Variants in CREBBP observed in about 807,000 individuals in gnomAD.
CREBBP encodes the protein CREB-binding protein.
CREBBP carries 19 observed loss-of-function variants against 265.0 expected under a neutral mutation model. The observed-to-expected ratio is 0.07, with a 90% CI of 0.05 to 0.11. CREBBP has a LOEUF of 0.11. Ranked by LOEUF, CREBBP falls within the 10% of genes least tolerant of loss-of-function variation. CREBBP has a pLI of 1.00. For missense variants in CREBBP, 2,525 were observed against 3,219.0 expected (o/e 0.78, Z 5.22); for synonymous variants, 1,457 against 1,223.7 (o/e 1.19, Z -3.98).
intron 20 of CREBBP, among the ~76,000 whole-genome samples, chr16:3,749,984 T>C (rs1596835718): frequency 6.6e-6 from 1 of 152,176 alleles, no homozygotes; most frequent in East Asian, 1.9e-4. Context: ...CACTGCAGCC[T>C]TAACCTCCTA....
chr16:3,871,997 T>C (rs1419433160), intron 1 of CREBBP, among the ~76,000 whole-genome samples: 1 of 152,196 alleles, frequency 6.6e-6, no homozygotes, highest in Non-Finnish European at 1.5e-5. Context: ...GATTTTACTA[T>C]TCTTAGCAAT....
At chr16:3,835,870 G>A (rs1015849343) in intron 2 of CREBBP, among the ~76,000 whole-genome samples, 4 of 151,676 alleles carry the variant, frequency 2.6e-5, no homozygotes, top group African/African-American at 4.8e-5. Context: ...GTGAGCCACC[G>A]CGCCCGGCAG....
At chr16:3,808,698 G>A (rs2053879674) in intron 3 of CREBBP, among the ~76,000 whole-genome samples, 1 of 152,226 alleles carries the variant, frequency 6.6e-6, no homozygotes, top group African/African-American at 2.4e-5. Flanking sequence ...TGGGGCTGGA[G>A]AATATTTTAA....
At position 3,774,710 on chromosome 16, in the gene CREBBP, A is replaced by G. The variant is rs759988363; in HGVS notation, c.2159-17T>C. On this transcript the variant is annotated splice_polypyrimidine_tract_variant and intron_variant, in intron 11 of 30. Transcript: ENST00000262367. ...AATTCATCCCTGTAAATGTACCCAC[A>G]ACGGTTCATTAGGAAAAGCACCCAC... 1.3e-5 allele frequency: 21 copies of G among 1,614,188 alleles called. No homozygotes were observed. The highest frequency in any genetic ancestry group is 1.7e-5 in the Non-Finnish European group (20 of 1,180,016).
At chr16:3,759,474 C>T (rs756633591) in intron 16 of CREBBP, among the ~76,000 whole-genome samples, 3 of 151,654 alleles carry the variant, frequency 2.0e-5, no homozygotes, top group African/African-American at 4.9e-5. Flanking sequence ...ATAAGCCCCG[C>T]TACTCGAGAG....
chr16:3,822,828 G>A (rs1342833997), intron 2 of CREBBP, among the ~76,000 whole-genome samples: 1 of 152,220 alleles, frequency 6.6e-6, no homozygotes, highest in African/African-American at 2.4e-5. Flanking sequence ...CCTGACTGGT[G>A]ATGTCAGCGA....
intron 16 of CREBBP, among the ~76,000 whole-genome samples, chr16:3,764,846 G>A (rs1428059019): frequency 6.6e-6 from 1 of 152,004 alleles, no homozygotes; most frequent in East Asian, 1.9e-4. Context: ...GCCTTCCAAA[G>A]TGCTGAGATT....
At chr16:3,765,061 C>A (rs1030014351) in intron 16 of CREBBP, among the ~76,000 whole-genome samples, 1 of 151,872 alleles carries the variant, frequency 6.6e-6, no homozygotes, top group Non-Finnish European at 1.5e-5. Flanking sequence ...ACAAGCTCTG[C>A]CTCCTGGGTT....
chr16:3,730,392 T>C (rs1345235535), intron 30 of CREBBP: 1 of 175,998 alleles, frequency 5.7e-6, no homozygotes, highest in Non-Finnish European at 1.2e-5. Context: ...GTGAAGTGCC[T>C]CTGGGAAGGC....
intron 2 of CREBBP, among the ~76,000 whole-genome samples, chr16:3,831,699 A>G (rs950869097): frequency 3.9e-5 from 6 of 152,324 alleles, no homozygotes; most frequent in Admixed American, 1.3e-4. Context: ...TATCCAAATT[A>G]AGAAAAGAGT....
At chr16:3,844,631 G>A (rs778733488) in intron 2 of CREBBP, among the ~76,000 whole-genome samples, 51 of 152,138 alleles carry the variant, frequency 3.4e-4, no homozygotes, top group Middle Eastern at 3.4e-3. Context: ...CATAAACACT[G>A]GCAAAAAATA....
At chr16:3,767,566 T>C (rs2052885100) in intron 16 of CREBBP, 154 bp downstream of exon 16, 2 of 989,470 alleles carry the variant, frequency 2.0e-6, no homozygotes, top group Non-Finnish European at 3.0e-6. Flanking sequence ...TCAGCCTGAG[T>C]GTTTCTGCAG....
In CREBBP at chr16:3,848,097, G is replaced by A. The variant is rs151167356; in HGVS notation, c.798+2200C>T. ...AGGCAGGACAATCACTTGAACCCAG[G>A]AGGCGGAGGTTGCAGTGAGCCCAGA... is the stretch of plus-strand genomic sequence containing the variant. On this transcript the variant is annotated intron_variant, in intron 2 of 30. Coordinates refer to ENST00000262367, the MANE Select transcript of CREBBP (RefSeq NM_004380.3). Among the ~76,000 whole-genome samples the A allele has an allele frequency of 1.2e-3, 187 of 151,956 alleles. 2 individuals carry two copies. In the East Asian group the frequency reaches 0.022, roughly 18 times the overall value.
chr16:3,769,044 C>A (rs185924822), intron 15 of CREBBP, 130 bp downstream of exon 15: 1 of 1,078,216 alleles, frequency 9.3e-7, no homozygotes, highest in South Asian at 1.3e-5. Flanking sequence ...CACCAAACCC[C>A]GAACCCACAT....
At chr16:3,780,995 A>G in intron 7 of CREBBP, 117 bp from the exon 8 acceptor site, 1 of 1,209,200 alleles carries the variant, frequency 8.3e-7, no homozygotes, top group Non-Finnish European at 1.2e-6. Context: ...AGGAGAGCCA[A>G]GTGATGTAAA....
chr16:3,768,362 G>A lies in CREBBP; in HGVS notation c.3061-453C>T, dbSNP rs573761878. On this transcript the variant is annotated intron_variant, in intron 15 of 30. Transcript: ENST00000262367. Reference sequence around the variant, plus strand: ...GGGTTTCATCATGTTGGCGAGGCTGGTCTCGAACTCCTGACCTCAAGTGAT... The same window carrying A: ...GGGTTTCATCATGTTGGCGAGGCTGATCTCGAACTCCTGACCTCAAGTGAT... 2.6e-5 allele frequency among the ~76,000 whole-genome samples: 4 copies of A among 151,980 alleles called. No homozygotes were observed. In the East Asian group the frequency reaches 5.8e-4, roughly 22 times the overall value.
At chr16:3,736,334 CCA>C (rs1157483155) in intron 27 of CREBBP, 131 bp from the exon 28 acceptor site, 3 of 982,198 alleles carry the variant, frequency 3.1e-6, no homozygotes, top group Non-Finnish European at 4.7e-6. Flanking sequence ...TGCCCCCCCA[CCA>C]CAGTGCAGCA....
intron 1 of CREBBP, among the ~76,000 whole-genome samples, chr16:3,870,761 G>A (rs2055277407): frequency 1.3e-5 from 2 of 152,086 alleles, no homozygotes; most frequent in African/African-American, 4.8e-5. Flanking sequence ...GTAGGTGATG[G>A]CTAATATTTT....
intron 3 of CREBBP, among the ~76,000 whole-genome samples, chr16:3,801,725 G>A (rs1456353932): frequency 6.6e-6 from 1 of 152,178 alleles, no homozygotes; most frequent in Non-Finnish European, 1.5e-5. Flanking sequence ...ATGGTGTGAT[G>A]CTGGTAATCG....
Sources: gnomAD v4.1 joint callset for allele counts (sites outside exome capture counted in the v4.1 genomes callset) on GRCh38, gnomAD v4.1.1 for gene constraint, MANE v1.5 for transcripts, NCBI Gene and HGNC (gene_info 2026-07-23, HGNC 2026-07-21) for gene names.